ACOT7: variants seen among roughly 807,000 people sequenced by gnomAD.
The protein encoded by ACOT7 is acyl-CoA thioesterase 7, also known as cytosolic acyl coenzyme A thioester hydrolase.
ACOT7 carries 12 observed loss-of-function variants against 40.2 expected under a neutral mutation model. The observed-to-expected ratio is 0.30, with a 90% CI of 0.19 to 0.48. The LOEUF (loss-of-function observed/expected upper bound fraction) is 0.48, where lower values mean the gene tolerates loss of function less well. Ranked by LOEUF, ACOT7 falls within the 20% of genes least tolerant of loss-of-function variation. ACOT7 has a pLI of 0.99. For missense variants in ACOT7, 395 were observed against 530.8 expected (o/e 0.74, Z 2.51); for synonymous variants, 228 against 219.5 (o/e 1.04, Z -0.34).
chr1:6,274,375 C>A lies in ACOT7; in HGVS notation c.1014+6727G>T, dbSNP rs1193165890. Among the ~76,000 whole-genome samples, 4 of 152,238 alleles carry A rather than the reference C, an allele frequency of 2.6e-5. No homozygotes were observed. Among genetic ancestry groups the A allele is most frequent in the Non-Finnish European group, 5.9e-5 (4 of 68,036 alleles). Reference sequence around the variant, plus strand: ...TGCATGGCAGACAACTTCCAGAAGGCTGCAGAGGGCCTTTCAGCTGACTTA... The same window carrying A: ...TGCATGGCAGACAACTTCCAGAAGGATGCAGAGGGCCTTTCAGCTGACTTA... On this transcript the variant is annotated intron_variant, in intron 8 of 8. Coordinates refer to ENST00000361521, the MANE Select transcript of ACOT7 (RefSeq NM_007274.4). The surrounding 1 kb of genome is among the most constrained non-coding windows in gnomAD (Gnocchi z 5.9).
intron 1 of ACOT7, among the ~76,000 whole-genome samples, chr1:6,370,812 A>AT (rs529638495): frequency 0.18 from 25,325 of 139,138 alleles, 3,667 homozygotes; most frequent in African/African-American, 0.42. Flanking sequence ...TATTATTTTG[A>AT]TTTTTTTTTT....
chr1:6,264,569 CGAG>C lies in ACOT7; in HGVS notation c.*25_*27del. The C allele has an allele frequency of 6.2e-7, 1 of 1,600,116 alleles. No individual in the cohort carries two copies. Among genetic ancestry groups the C allele is most frequent in the Non-Finnish European group, 8.5e-7 (1 of 1,172,670 alleles). ...CACTGGGCCCGTTGCCATGGCTACT[CGAG>C]GCACCAGTGGCAGGAGGAGGGAGTC... On this transcript the variant is annotated 3_prime_UTR_variant, in exon 9 of 9. Transcript: ENST00000361521.
Position 6,264,470 on chromosome 1 carries a change from G to T in ACOT7, c.*127C>A. On this transcript the variant is annotated 3_prime_UTR_variant, in exon 9 of 9. Coordinates refer to ENST00000361521, the MANE Select transcript of ACOT7 (RefSeq NM_007274.4). ...AGAGTACAGGTTAACACTGTGATAC[G>T]AAAACTTCAGACAACACCAGCTCTC... 2 of 815,178 alleles carry T rather than the reference G, an allele frequency of 2.5e-6. No individual in the cohort carries two copies. The highest frequency in any genetic ancestry group is 3.6e-5 in the South Asian group (2 of 56,282). 50.5% of individuals were successfully genotyped at this position (815,178 alleles called of 1,614,324 possible).
At chr1:6,364,015 T>TGG (rs1044778023) in intron 1 of ACOT7, among the ~76,000 whole-genome samples, 67 of 152,050 alleles carry the variant, frequency 4.4e-4, no homozygotes, top group African/African-American at 1.2e-3. Context: ...AAGGCTGCAG[T>TGG]GGGCCAAGAT....
chr1:6,337,331 T>A (rs1342886167), intron 3 of ACOT7, among the ~76,000 whole-genome samples: 1 of 152,126 alleles, frequency 6.6e-6, no homozygotes, highest in African/African-American at 2.4e-5. Flanking sequence ...CAGGAGCCTC[T>A]CCCCCTCTCA....
intron 6 of ACOT7, among the ~76,000 whole-genome samples, chr1:6,315,033 G>A (rs55841926): frequency 0.15 from 22,696 of 152,162 alleles, 1,838 homozygotes; most frequent in African/African-American, 0.22. Flanking sequence ...TTCTGTCCAT[G>A]CAACCAGGAA....
intron 1 of ACOT7, among the ~76,000 whole-genome samples, chr1:6,372,638 C>T (rs1393938366): frequency 6.6e-6 from 1 of 151,616 alleles, no homozygotes; most frequent in Non-Finnish European, 1.5e-5. Flanking sequence ...GCAACCTCCA[C>T]CTCTGGGTTC....
At chr1:6,320,109 C>G (rs1354633132) in intron 5 of ACOT7, among the ~76,000 whole-genome samples, 1 of 152,218 alleles carries the variant, frequency 6.6e-6, no homozygotes, top group African/African-American at 2.4e-5. Context: ...CTTAACCTCC[C>G]TTTGCCTCAG....
chr1:6,324,674 C>T (rs75690023), intron 5 of ACOT7, among the ~76,000 whole-genome samples: 2 of 152,290 alleles, frequency 1.3e-5, no homozygotes, highest in East Asian at 3.9e-4. Context: ...AAGGTAGGTC[C>T]AGGCAGCCCC....
At chr1:6,266,708 G>T (rs570352703) in intron 8 of ACOT7, among the ~76,000 whole-genome samples, 98 of 152,412 alleles carry the variant, frequency 6.4e-4, no homozygotes, top group African/African-American at 2.3e-3. Flanking sequence ...GTGATGTGGA[G>T]GGAAGCTGCA....
chr1:6,327,864 C>T (rs557396001), intron 4 of ACOT7, among the ~76,000 whole-genome samples: 1 of 152,150 alleles, frequency 6.6e-6, no homozygotes, highest in Non-Finnish European at 1.5e-5. Context: ...ACCTCTGCCT[C>T]CCGGGTTCAA....
At chr1:6,376,991 C>T (rs973103828) in intron 1 of ACOT7, among the ~76,000 whole-genome samples, 4 of 152,184 alleles carry the variant, frequency 2.6e-5, no homozygotes, top group East Asian at 3.8e-4. Flanking sequence ...ATGCTCAACA[C>T]CTTATGTCAT....
At chr1:6,392,300 A>C (rs1642545120) in intron 1 of ACOT7, among the ~76,000 whole-genome samples, 3 of 152,198 alleles carry the variant, frequency 2.0e-5, no homozygotes, top group Non-Finnish European at 4.4e-5. Context: ...CTGGTAGTTC[A>C]TCAAGCAGGA....
rs1639609861 is a variant in ACOT7, at chr1:6,289,648, A to G, written c.829+5216T>C. ...CTCAGCCTCACAAAGTGTTGGAATTACAAGCGTGAGCCACTGTGACCAGCC... is the reference window on the plus strand; with the variant it reads ...CTCAGCCTCACAAAGTGTTGGAATTGCAAGCGTGAGCCACTGTGACCAGCC... On this transcript the variant is annotated intron_variant, in intron 7 of 8. Coordinates refer to ENST00000361521, the MANE Select transcript of ACOT7 (RefSeq NM_007274.4). The surrounding 1 kb of genome is among the most constrained non-coding windows in gnomAD (Gnocchi z 4.6). 6.6e-6 allele frequency among the ~76,000 whole-genome samples: 1 copy of G among 152,012 alleles called. No individual in the cohort carries two copies. The highest frequency in any genetic ancestry group is 2.1e-4 in the South Asian group (1 of 4,818).
rs1361186807 is a variant in ACOT7, at chr1:6,274,177, A to C, written c.1014+6925T>G. On this transcript the variant is annotated intron_variant, in intron 8 of 8. Coordinates refer to ENST00000361521, the MANE Select transcript of ACOT7 (RefSeq NM_007274.4). The surrounding 1 kb of genome is among the most constrained non-coding windows in gnomAD (Gnocchi z 5.9). ...AAAGCTTGCCCCATGCTTCCTCCTAAGTGCAAAGGGGCGAGGGACCTTCCA... is the reference window on the plus strand; with the variant it reads ...AAAGCTTGCCCCATGCTTCCTCCTACGTGCAAAGGGGCGAGGGACCTTCCA... Among the ~76,000 whole-genome samples, 1 of 152,132 alleles carries C rather than the reference A, an allele frequency of 6.6e-6. No individual in the cohort carries two copies. The highest frequency in any genetic ancestry group is 1.5e-5 in the Non-Finnish European group (1 of 67,990).
intron 1 of ACOT7, among the ~76,000 whole-genome samples, chr1:6,369,986 C>A (rs1203997491): frequency 6.6e-6 from 1 of 152,176 alleles, no homozygotes; most frequent in East Asian, 1.9e-4. Flanking sequence ...GGATCCCTAA[C>A]CTCATGTTGA....
intron 1 of ACOT7, among the ~76,000 whole-genome samples, chr1:6,369,544 C>T (rs1034878482): frequency 5.3e-5 from 8 of 151,588 alleles, no homozygotes; most frequent in Non-Finnish European, 1.2e-4. Flanking sequence ...GTAGCTGGGA[C>T]TACATGCACA....
chr1:6,327,172 T>A (rs1640820699), intron 5 of ACOT7, 127 bp downstream of exon 5: 2 of 955,958 alleles, frequency 2.1e-6, no homozygotes, highest in African/African-American at 3.3e-5. Context: ...GAGAAACTGG[T>A]TCCCGGAGAG....
At chr1:6,265,843 T>C (rs1638835534) in intron 8 of ACOT7, among the ~76,000 whole-genome samples, 2 of 152,202 alleles carry the variant, frequency 1.3e-5, no homozygotes, top group South Asian at 2.1e-4. Context: ...GACACCAAAC[T>C]GTACAGCTAT....
Sources: allele counts gnomAD v4.1 joint callset (sites outside exome capture counted in the v4.1 genomes callset), GRCh38; gene constraint gnomAD v4.1.1; non-coding constraint Gnocchi (gnomAD v3.1); transcripts MANE v1.5; gene names NCBI Gene and HGNC (gene_info 2026-07-23, HGNC 2026-07-21).